The following TNFRSF19 variants were observed in gnomAD, a reference collection of about 807,000 sequenced individuals.
TNFRSF19 encodes TNF receptor superfamily member 19.
Under a neutral mutation model 46.4 loss-of-function variants are expected in TNFRSF19, and 27 were observed. The ratio of observed to expected loss-of-function variants is 0.58; its 90% CI spans 0.43 to 0.80. The LOEUF (loss-of-function observed/expected upper bound fraction) is 0.80. Ranked by LOEUF, TNFRSF19 falls within the 30% of genes least tolerant of loss-of-function variation. TNFRSF19 has a pLI of 0.00. For missense variants in TNFRSF19, 511 were observed against 530.8 expected (o/e 0.96, Z 0.37); for synonymous variants, 204 against 205.0 (o/e 1.00, Z 0.04).
Position 23,673,244 on chromosome 13 carries a change from A to G in TNFRSF19, c.1246-128A>G, listed in dbSNP as rs369494319. ...ATACTATTGAATGAGTTTCTTGTCC[A>G]TATGCTATTATTATATCCATGTATA... On this transcript the variant is annotated intron_variant, in intron 9 of 9. Transcript: ENST00000248484. The G allele has an allele frequency of 1.1e-4, 107 of 963,804 alleles. 2 individuals carry two copies. In the South Asian group the frequency reaches 2.4e-3, roughly 22 times the overall value. The allele number at this position is 963,804 out of a possible 1,614,324, so 59.7% of individuals were successfully genotyped here.
chr13:23,582,934 C>T (rs1878561687), intron 1 of TNFRSF19, among the ~76,000 whole-genome samples: 1 of 152,188 alleles, frequency 6.6e-6, no homozygotes, highest in Non-Finnish European at 1.5e-5. Flanking sequence ...TATTCCATTG[C>T]ATGCACCATA....
rs142658493 is a variant in TNFRSF19 at position 23,661,771 on chromosome 13, A to G, written c.736+1281A>G. On this transcript the variant is annotated intron_variant, in intron 7 of 9. Coordinates refer to ENST00000248484, the MANE Select transcript of TNFRSF19 (RefSeq NM_148957.4). ...GAGATGGTATCTCTTTGTGGTTTTC[A>G]TTTGCATTTCTCTAATCATCAGTGC... Among the ~76,000 whole-genome samples the G allele has an allele frequency of 2.0e-4, 30 of 152,124 alleles. No individual in the cohort carries two copies. The East Asian group carries it at 5.4e-3, about 27-fold the overall frequency.
At chr13:23,577,737 G>A (rs1306455167) in intron 1 of TNFRSF19, among the ~76,000 whole-genome samples, 2 of 152,176 alleles carry the variant, frequency 1.3e-5, no homozygotes, top group African/African-American at 4.8e-5. Context: ...GCCACGCGGC[G>A]CAGTTTATAA....
intron 5 of TNFRSF19, among the ~76,000 whole-genome samples, chr13:23,634,084 A>G (rs1593273617): frequency 6.6e-6 from 1 of 152,372 alleles, no homozygotes; most frequent in African/African-American, 2.4e-5. Flanking sequence ...TGTGCCCTAC[A>G]TTGATTCTTG....
chr13:23,606,418 A>G (rs1593250213), intron 3 of TNFRSF19, among the ~76,000 whole-genome samples: 1 of 152,316 alleles, frequency 6.6e-6, no homozygotes, highest in East Asian at 1.9e-4. Context: ...TAATAATGCC[A>G]GTGAAAAATG....
intron 3 of TNFRSF19, among the ~76,000 whole-genome samples, chr13:23,610,797 G>A (rs534957610): frequency 6.6e-6 from 1 of 151,840 alleles, no homozygotes; most frequent in South Asian, 2.1e-4. Flanking sequence ...AGTAAGTAGG[G>A]GCCCTATAAT....
intron 3 of TNFRSF19, chr13:23,594,246 G>A (rs937088651): frequency 2.0e-5 from 9 of 452,166 alleles, no homozygotes; most frequent in Middle Eastern, 6.9e-4. Context: ...GAACACCAGC[G>A]AGACAGAACC....
chr13:23,658,382 C>T (rs1232859685), intron 5 of TNFRSF19, among the ~76,000 whole-genome samples: 1 of 152,108 alleles, frequency 6.6e-6, no homozygotes, highest in Non-Finnish European at 1.5e-5. Flanking sequence ...TCAGAATCTG[C>T]CCTGAACCAC....
intron 5 of TNFRSF19, among the ~76,000 whole-genome samples, chr13:23,631,760 G>A (rs1256355325): frequency 1.3e-5 from 2 of 152,172 alleles, no homozygotes; most frequent in Non-Finnish European, 2.9e-5. Context: ...AGGGAGTCTG[G>A]GAGGGAGGGG....
At chr13:23,667,088 T>C (rs1015293306) in intron 7 of TNFRSF19, among the ~76,000 whole-genome samples, 1 of 148,972 alleles carries the variant, frequency 6.7e-6, no homozygotes, top group Admixed American at 6.7e-5. Context: ...GTGTGTGTGC[T>C]TTAGTGTGTT....
chr13:23,578,642 T>C (rs1468473904), intron 1 of TNFRSF19, among the ~76,000 whole-genome samples: 1 of 152,318 alleles, frequency 6.6e-6, no homozygotes, highest in Admixed American at 6.5e-5. Flanking sequence ...TCATGCACCG[T>C]ATCTTGGGTG....
intron 5 of TNFRSF19, among the ~76,000 whole-genome samples, chr13:23,646,057 C>A (rs981711974): frequency 6.6e-6 from 1 of 152,144 alleles, no homozygotes; most frequent in African/African-American, 2.4e-5. Flanking sequence ...ACAAACAGTT[C>A]TCAAATCAAG....
At chr13:23,587,250 A>G (rs1878911008) in intron 1 of TNFRSF19, among the ~76,000 whole-genome samples, 1 of 152,176 alleles carries the variant, frequency 6.6e-6, no homozygotes. Context: ...TTAAACGCTT[A>G]AGCTATTTCA....
intron 5 of TNFRSF19, among the ~76,000 whole-genome samples, chr13:23,637,148 G>T (rs1882741295): frequency 6.6e-6 from 1 of 151,732 alleles, no homozygotes; most frequent in Non-Finnish European, 1.5e-5. Flanking sequence ...TGTTTTCTAT[G>T]ATTTTAGGCC....
rs1315204286 is a variant in TNFRSF19 at position 23,616,113 on chromosome 13, G to A, written c.359+68G>A. On this transcript the variant is annotated intron_variant, in intron 4 of 9. Coordinates refer to ENST00000248484, the MANE Select transcript of TNFRSF19 (RefSeq NM_148957.4). Reference sequence around the variant, plus strand: ...TAACTTTTAAAAAGGCAATTCCCTTGTTCCATTCTAAACTGGAATGCATGC... The same window carrying A: ...TAACTTTTAAAAAGGCAATTCCCTTATTCCATTCTAAACTGGAATGCATGC... 2.7e-6 allele frequency: 4 copies of A among 1,487,098 alleles called. No individual in the cohort carries two copies. In the African/African-American group the frequency reaches 5.6e-5, roughly 21 times the overall value. The allele number at this position is 1,487,098 out of a possible 1,614,324, so 92.1% of individuals were successfully genotyped here. A position where few individuals can be genotyped will look rare whatever the true frequency, so the allele number is the denominator to read the frequency against.
chr13:23,656,477 A>G (rs910132895), intron 5 of TNFRSF19, among the ~76,000 whole-genome samples: 2 of 152,232 alleles, frequency 1.3e-5, no homozygotes, highest in Admixed American at 6.5e-5. Flanking sequence ...AAGGACTCTA[A>G]TTATGATACT....
At chr13:23,596,099 TC>T (rs1879703601) in intron 3 of TNFRSF19, among the ~76,000 whole-genome samples, 1 of 151,994 alleles carries the variant, frequency 6.6e-6, no homozygotes, top group African/African-American at 2.4e-5. Context: ...TTACAAGAGC[TC>T]CTGAAGGAAG....
intron 4 of TNFRSF19, among the ~76,000 whole-genome samples, chr13:23,624,123 C>T (rs1000849485): frequency 3.9e-5 from 6 of 152,146 alleles, no homozygotes; most frequent in Middle Eastern, 3.2e-3. Context: ...GTTTCTCCAA[C>T]ATTCCTTAAA....
intron 1 of TNFRSF19, among the ~76,000 whole-genome samples, chr13:23,575,957 A>G (rs1021447495): frequency 6.6e-6 from 1 of 152,216 alleles, no homozygotes; most frequent in Non-Finnish European, 1.5e-5. Context: ...CAGAAAACTA[A>G]CTTTTAACAT....
Sources: gnomAD v4.1 joint callset for allele counts (sites outside exome capture counted in the v4.1 genomes callset) on GRCh38, gnomAD v4.1.1 for gene constraint, MANE v1.5 for transcripts, NCBI Gene and HGNC (gene_info 2026-07-23, HGNC 2026-07-21) for gene names.